DHX37: variants seen among roughly 807,000 people sequenced by gnomAD.
The protein encoded by DHX37 is DEAH-box helicase 37.
Under a neutral mutation model 134.3 loss-of-function variants are expected in DHX37, and 52 were observed. That is an observed-to-expected ratio of 0.39 (90% CI 0.31 to 0.49). The LOEUF is 0.49. DHX37 is among the 20% of genes least tolerant of loss of function. The pLI is 0.93. For synonymous variants in DHX37, 634 were observed against 670.7 expected (o/e 0.95, Z 0.85); for missense variants, 1,344 against 1,580.8 (o/e 0.85, Z 2.54).
chr12:124,957,514 G>T (rs571711012), intron 16 of DHX37, among the ~76,000 whole-genome samples: 1 of 152,202 alleles, frequency 6.6e-6, no homozygotes, highest in Non-Finnish European at 1.5e-5. Context: ...GGCCTGGTGC[G>T]GTGGCTCACG....
chr12:124,975,545 G>T (rs774421032), intron 5 of DHX37, 34 bp from the exon 6 acceptor site: 2 of 1,604,032 alleles, frequency 1.2e-6, no homozygotes, highest in African/African-American at 1.3e-5. Flanking sequence ...TCAACAGTGC[G>T]CGGCCCCACC....
At position 124,953,960 on chromosome 12, in the gene DHX37, G is replaced by T; in HGVS notation, c.2615C>A (p.Pro872His). The stretch of plus-strand genomic sequence containing the variant: ...CAGCCCGTTGGCTTCGCAAAACTGG[G>T]GTGTGCAGCTGGCATACTCACAGGC... ...VGACEYASCTPQFCEANGLRY... is the reference protein window; with the variant it reads ...VGACEYASCTHQFCEANGLRY... Residue 872 changes from proline to histidine, a missense_variant, in exon 20 of 27, where the codon CCC (proline) becomes CAC (histidine). By Grantham distance (77) the Pro-to-His change is moderately conservative. This residue lies in a region of DHX37 where 558 missense variants were observed against 650.0 expected (regional missense o/e 0.86). Transcript: ENST00000308736. 1 of 1,613,554 alleles carries T rather than the reference G, an allele frequency of 6.2e-7. No homozygotes were observed. Among genetic ancestry groups the T allele is most frequent in the Middle Eastern group, 1.7e-4 (1 of 6,060 alleles).
chr12:124,972,905 G>T (rs973162672), intron 6 of DHX37, among the ~76,000 whole-genome samples: 42 of 152,250 alleles, frequency 2.8e-4, no homozygotes, highest in Admixed American at 2.6e-3. Flanking sequence ...GCTGGAGTGT[G>T]TTCCAGAGAC....
Position 124,947,893 on chromosome 12 carries a change from G to A in DHX37, c.3389-6C>T. 6.2e-7 allele frequency: 1 copy of A among 1,610,320 alleles called. No individual in the cohort carries two copies. Among genetic ancestry groups the A allele is most frequent in the Middle Eastern group, 1.7e-4 (1 of 6,036 alleles). ...ACAGTACTCAGCCAGCAGGTCTGCAGGGGAGGGAAGGAGGACAGTGTCAGG... is the reference window on the plus strand; with the variant it reads ...ACAGTACTCAGCCAGCAGGTCTGCAAGGGAGGGAAGGAGGACAGTGTCAGG... On this transcript the variant is annotated splice_polypyrimidine_tract_variant and splice_region_variant and intron_variant, in intron 26 of 26. Transcript: ENST00000308736.
intron 15 of DHX37, among the ~76,000 whole-genome samples, chr12:124,964,143 C>T (rs1486173055): frequency 2.8e-5 from 4 of 140,456 alleles, no homozygotes; most frequent in African/African-American, 8.1e-5. Context: ...TGCAGTGAGT[C>T]GAGATCACGC....
At position 124,954,012 on chromosome 12, in the gene DHX37, G is replaced by A; in HGVS notation, c.2579-16C>T. 2 of 1,613,640 alleles carry A rather than the reference G, an allele frequency of 1.2e-6. No individual in the cohort carries two copies. The highest frequency in any genetic ancestry group is 1.7e-6 in the Non-Finnish European group (2 of 1,179,972). ...CCCACGGCGCCTGGGGAACGAAGAG[G>A]GGGCATGCTCTCTCTCTGACCCATC... is the stretch of plus-strand genomic sequence containing the variant. On this transcript the variant is annotated splice_polypyrimidine_tract_variant and intron_variant, in intron 19 of 26. Coordinates refer to ENST00000308736, the MANE Select transcript of DHX37 (RefSeq NM_032656.4).
chr12:124,972,892 T>C (rs771596809), intron 6 of DHX37, among the ~76,000 whole-genome samples: 6 of 152,246 alleles, frequency 3.9e-5, no homozygotes, highest in Admixed American at 3.9e-4. Flanking sequence ...GACCTGCACA[T>C]GGGCTGGAGT....
rs1179153161 is a variant in DHX37 at position 124,949,411 on chromosome 12, G to A, written c.3290+575C>T. Among the ~76,000 whole-genome samples the A allele has an allele frequency of 6.6e-6, 1 of 152,208 alleles. No individual in the cohort carries two copies. Among genetic ancestry groups the A allele is most frequent in the Non-Finnish European group, 1.5e-5 (1 of 68,028 alleles). On this transcript the variant is annotated intron_variant, in intron 25 of 26. Coordinates refer to ENST00000308736, the MANE Select transcript of DHX37 (RefSeq NM_032656.4). The surrounding 1 kb of genome is among the most constrained non-coding windows in gnomAD (Gnocchi z 4.0). Reference sequence around the variant, plus strand: ...GGCAGGAGGAGAGCAGAAGCAGGAGGCAGAGGGCAAGGGTGAGCCCTGAAG... The same window carrying A: ...GGCAGGAGGAGAGCAGAAGCAGGAGACAGAGGGCAAGGGTGAGCCCTGAAG...
Position 124,947,895 on chromosome 12 carries a change from G to A in DHX37, c.3389-8C>T. ...AGTACTCAGCCAGCAGGTCTGCAGG[G>A]GAGGGAAGGAGGACAGTGTCAGGGT... On this transcript the variant is annotated splice_polypyrimidine_tract_variant and splice_region_variant and intron_variant, in intron 26 of 26. Coordinates refer to ENST00000308736, the MANE Select transcript of DHX37 (RefSeq NM_032656.4). The A allele has an allele frequency of 1.2e-6, 2 of 1,610,124 alleles. No individual in the cohort carries two copies. The highest frequency in any genetic ancestry group is 1.7e-6 in the Non-Finnish European group (2 of 1,177,664).
At chr12:124,962,237 T>C (rs895307002) in intron 15 of DHX37, among the ~76,000 whole-genome samples, 1 of 151,956 alleles carries the variant, frequency 6.6e-6, no homozygotes, top group African/African-American at 2.4e-5. Flanking sequence ...AACAAAAATA[T>C]TAAAAATAAG....
rs369701996 is a variant in DHX37 at position 124,949,616 on chromosome 12, G to T, written c.3290+370C>A. ...GCGTGTGACCTTATATGGAAAGAGG[G>T]TCACTGCAAATGTCATGAGTTAAGG... On this transcript the variant is annotated intron_variant, in intron 25 of 26. Transcript: ENST00000308736. The surrounding 1 kb of genome is among the most constrained non-coding windows in gnomAD (Gnocchi z 4.0). Among the ~76,000 whole-genome samples, 7 of 152,332 alleles carry T rather than the reference G, an allele frequency of 4.6e-5. No homozygotes were observed. Among genetic ancestry groups the T allele is most frequent in the African/African-American group, 1.7e-4 (7 of 41,588 alleles).
chr12:124,950,836 A>T, intron 21 of DHX37, 32 bp from the exon 22 acceptor site: 1 of 1,565,074 alleles, frequency 6.4e-7, no homozygotes, highest in Non-Finnish European at 8.6e-7. Context: ...GTGGTCAGGG[A>T]AGAACCCATG....
intron 18 of DHX37, among the ~76,000 whole-genome samples, chr12:124,955,352 G>A (rs1467113373): frequency 6.6e-6 from 1 of 152,226 alleles, no homozygotes; most frequent in East Asian, 1.9e-4. Context: ...GATGCTCCTG[G>A]TTCTTGGGCC....
At chr12:124,964,844 G>A in intron 14 of DHX37, 86 bp downstream of exon 14, 5 of 1,466,768 alleles carry the variant, frequency 3.4e-6, no homozygotes, top group Non-Finnish European at 4.6e-6. Flanking sequence ...AACAGCAGAT[G>A]GAGAGGACCA....
Position 124,956,810 on chromosome 12 carries a change from G to A in DHX37, c.2334C>T (p.Phe778=). 2 of 1,611,852 alleles carry A rather than the reference G, an allele frequency of 1.2e-6. No individual in the cohort carries two copies. Among genetic ancestry groups the A allele is most frequent in the South Asian group, 1.1e-5 (1 of 90,998 alleles). ...ITALGRTMAT[F]PVAPRYAKML... is the part of the protein sequence containing the mutation. ...TCTTAGCGTAGCGGGGTGCCACGGG[G>A]AATGTGGCCATTGTCCGGCCCAGCG... Residue 778 remains phenylalanine, a synonymous_variant, in exon 18 of 27, where the codon TTC becomes TTT. Coordinates refer to ENST00000308736, the MANE Select transcript of DHX37 (RefSeq NM_032656.4).
chr12:124,965,183 C>T (rs1566336817), intron 13 of DHX37, among the ~76,000 whole-genome samples, 177 bp from the exon 14 acceptor site: 2 of 152,220 alleles, frequency 1.3e-5, no homozygotes, highest in African/African-American at 4.8e-5. Context: ...CTGAGAGGTT[C>T]CCAGGGGCTC....
chr12:124,950,135 G>T lies in DHX37; in HGVS notation c.3216+14C>A. On this transcript the variant is annotated intron_variant, in intron 24 of 26. Coordinates refer to ENST00000308736, the MANE Select transcript of DHX37 (RefSeq NM_032656.4). ...GTACCCGAGATGAGGGTCTGGAGCCGCTGTGCCACCTACCTGCCCTTCCAG... is the reference window on the plus strand; with the variant it reads ...GTACCCGAGATGAGGGTCTGGAGCCTCTGTGCCACCTACCTGCCCTTCCAG... 2.5e-6 allele frequency: 4 copies of T among 1,613,950 alleles called. No individual in the cohort carries two copies. Among genetic ancestry groups the T allele is most frequent in the African/African-American group, 2.7e-5 (2 of 75,060 alleles).
intron 8 of DHX37, among the ~76,000 whole-genome samples, chr12:124,969,501 T>C (rs1056112972): frequency 1.3e-5 from 2 of 151,916 alleles, no homozygotes; most frequent in Non-Finnish European, 2.9e-5. Context: ...CACAGGCCCC[T>C]CTCTTGCCCC....
At position 124,947,072 on chromosome 12, in the gene DHX37, A is replaced by C. The variant is rs1457756365; in HGVS notation, c.*730T>G. On this transcript the variant is annotated 3_prime_UTR_variant, in exon 27 of 27. Transcript: ENST00000308736. ...AGCCACAGAGGAACAAGGGAGACAA[A>C]CTGAGGGCTCTGCAGTCCCCGTTCA... is the stretch of plus-strand genomic sequence containing the variant. 2 of 152,096 alleles carry C rather than the reference A, an allele frequency of 1.3e-5. No homozygotes were observed. The highest frequency in any genetic ancestry group is 2.4e-5 in the African/African-American group (1 of 41,422). The allele number at this position is 152,096 out of a possible 1,614,324, so 9.4% of individuals were successfully genotyped here.
Sources: allele counts gnomAD v4.1 joint callset (sites outside exome capture counted in the v4.1 genomes callset), GRCh38; gene constraint gnomAD v4.1.1; regional missense constraint gnomAD v4.1.1; non-coding constraint Gnocchi (gnomAD v3.1); transcripts MANE v1.5; gene names NCBI Gene and HGNC (gene_info 2026-07-23, HGNC 2026-07-21).